The following CCSER1 variants were observed in gnomAD, a reference collection of about 807,000 sequenced individuals.
CCSER1 encodes serine-rich coiled-coil domain-containing protein 1.
CCSER1 carries 41 observed loss-of-function variants against 82.0 expected under a neutral mutation model. That is an observed-to-expected ratio of 0.50 (90% CI 0.39 to 0.65). The LOEUF (loss-of-function observed/expected upper bound fraction) is 0.65, where lower values mean the gene tolerates loss of function less well. Among genes scored for constraint, CCSER1 ranks in the 30% least tolerant of loss-of-function variants. CCSER1 has a pLI of 0.00. For missense variants in CCSER1, 1,119 were observed against 1,064.2 expected (o/e 1.05, Z -0.72); for synonymous variants, 414 against 383.9 (o/e 1.08, Z -0.92).
intron 5 of CCSER1, among the ~76,000 whole-genome samples, chr4:90,622,788 G>T (rs541915316): frequency 9.2e-5 from 14 of 151,992 alleles, no homozygotes; most frequent in Non-Finnish European, 1.9e-4. Flanking sequence ...ACCCAGTAAT[G>T]GGATGGCTGG....
intron 9 of CCSER1, among the ~76,000 whole-genome samples, chr4:90,988,858 G>C (rs1736799148): frequency 6.6e-6 from 1 of 151,662 alleles, no homozygotes; most frequent in Non-Finnish European, 1.5e-5. Context: ...ACACATAAGT[G>C]GTCTGTTTTG....
intron 5 of CCSER1, among the ~76,000 whole-genome samples, chr4:90,504,675 A>G (rs1770423956): frequency 6.6e-6 from 1 of 152,180 alleles, no homozygotes; most frequent in South Asian, 2.1e-4. Flanking sequence ...CTCATATAGC[A>G]AAGTGTAAAA....
At chr4:90,301,424 A>C (rs925085647) in intron 1 of CCSER1, among the ~76,000 whole-genome samples, 11 of 152,172 alleles carry the variant, frequency 7.2e-5, no homozygotes, top group Admixed American at 2.6e-4. Context: ...GCTAAAGAAC[A>C]AAAGTACTGT....
chr4:91,408,429 G>C (rs981242096), intron 10 of CCSER1, among the ~76,000 whole-genome samples: 1 of 152,270 alleles, frequency 6.6e-6, no homozygotes. Flanking sequence ...GGTTATATCA[G>C]CCAGCCTTTT....
chr4:90,836,296 T>G (rs889063078), intron 8 of CCSER1, among the ~76,000 whole-genome samples: 3 of 152,050 alleles, frequency 2.0e-5, no homozygotes, highest in African/African-American at 7.2e-5. Flanking sequence ...TCCTAATGAA[T>G]GTATTAGTCA....
chr4:90,693,281 T>C (rs1736365771), intron 6 of CCSER1: 1 of 151,966 alleles, frequency 6.6e-6, no homozygotes, highest in Non-Finnish European at 1.5e-5. Context: ...ATTATTTCCA[T>C]TAACAGATGT....
intron 10 of CCSER1, among the ~76,000 whole-genome samples, chr4:91,406,706 A>G (rs1221531088): frequency 6.6e-6 from 1 of 152,238 alleles, no homozygotes; most frequent in Non-Finnish European, 1.5e-5. Flanking sequence ...TATAGTTAAA[A>G]TGATAATATC....
At chr4:90,862,684 G>A (rs1397231285) in intron 8 of CCSER1, among the ~76,000 whole-genome samples, 1 of 151,892 alleles carries the variant, frequency 6.6e-6, no homozygotes, top group Non-Finnish European at 1.5e-5. Flanking sequence ...CTTTATGACT[G>A]AAGTTGCAGG....
At chr4:91,369,752 T>C (rs1402327147) in intron 10 of CCSER1, among the ~76,000 whole-genome samples, 1 of 139,412 alleles carries the variant, frequency 7.2e-6, no homozygotes, top group Non-Finnish European at 1.5e-5. Flanking sequence ...CACTGCAACC[T>C]CTGCCTCCTG....
chr4:91,069,785 A>G (rs920153292), intron 9 of CCSER1, among the ~76,000 whole-genome samples: 1 of 152,206 alleles, frequency 6.6e-6, no homozygotes, highest in Non-Finnish European at 1.5e-5. Flanking sequence ...GGATAACCCT[A>G]TGACCTTGGG....
chr4:90,639,870 G>A (rs1481783081), intron 6 of CCSER1, among the ~76,000 whole-genome samples: 3 of 152,122 alleles, frequency 2.0e-5, no homozygotes, highest in South Asian at 2.1e-4. Flanking sequence ...GGCTAGAAAT[G>A]TAGATTGATT....
At chr4:90,716,245 T>G (rs542726653) in intron 6 of CCSER1, among the ~76,000 whole-genome samples, 1 of 152,050 alleles carries the variant, frequency 6.6e-6, no homozygotes, top group South Asian at 2.1e-4. Flanking sequence ...ATGTTGTACT[T>G]TTTGAATTTT....
At chr4:90,201,469 T>C (rs1380020098) in intron 1 of CCSER1, among the ~76,000 whole-genome samples, 5 of 151,434 alleles carry the variant, frequency 3.3e-5, no homozygotes, top group Non-Finnish European at 7.4e-5. Context: ...TGTTATCTCA[T>C]AGCCATAGTT....
At chr4:90,552,647 G>C (rs1296482294) in intron 5 of CCSER1, among the ~76,000 whole-genome samples, 2 of 151,924 alleles carry the variant, frequency 1.3e-5, no homozygotes, top group Non-Finnish European at 2.9e-5. Context: ...GATGGAAATG[G>C]GTTTTTGCCG....
At chr4:90,593,422 G>C (rs976274767) in intron 5 of CCSER1, among the ~76,000 whole-genome samples, 2 of 152,100 alleles carry the variant, frequency 1.3e-5, no homozygotes, top group African/African-American at 4.8e-5. Context: ...CACAGTGTGG[G>C]AGCAGGCCCG....
intron 10 of CCSER1, among the ~76,000 whole-genome samples, chr4:91,522,451 A>G (rs531952745): frequency 6.6e-6 from 1 of 152,284 alleles, no homozygotes; most frequent in African/African-American, 2.4e-5. Context: ...TGAATCTATA[A>G]ATTACCTTGG....
At chr4:91,088,524 A>C (rs1303017325) in intron 10 of CCSER1, among the ~76,000 whole-genome samples, 1 of 152,324 alleles carries the variant, frequency 6.6e-6, no homozygotes, top group South Asian at 2.1e-4. Context: ...AATGTAAATT[A>C]CTTTTCTGAA....
At chr4:91,568,876 G>A (rs927727485) in intron 10 of CCSER1, among the ~76,000 whole-genome samples, 1 of 152,020 alleles carries the variant, frequency 6.6e-6, no homozygotes, top group Non-Finnish European at 1.5e-5. Flanking sequence ...AAAAAATCTT[G>A]TTGGAGAAAT....
At chr4:91,194,775 T>C (rs544013132) in intron 10 of CCSER1, among the ~76,000 whole-genome samples, 17 of 152,354 alleles carry the variant, frequency 1.1e-4, no homozygotes, top group African/African-American at 3.1e-4. Flanking sequence ...CATCATATTA[T>C]GAGGTTTCAT....
Sources: allele counts gnomAD v4.1 joint callset (sites outside exome capture counted in the v4.1 genomes callset), GRCh38; gene constraint gnomAD v4.1.1; transcripts MANE v1.5; gene names NCBI Gene and HGNC (gene_info 2026-07-23, HGNC 2026-07-21).